The following GALNT7 variants were observed in gnomAD, a reference collection of about 807,000 sequenced individuals.
GALNT7 encodes N-acetylgalactosaminyltransferase 7.
Under a neutral mutation model 82.1 loss-of-function variants are expected in GALNT7, and 60 were observed. The ratio of observed to expected loss-of-function variants is 0.73; its 90% CI spans 0.59 to 0.91. GALNT7 has a LOEUF of 0.91. Ranked by LOEUF, GALNT7 falls within the 40% of genes least tolerant of loss-of-function variation. GALNT7 has a pLI of 0.00. For missense variants in GALNT7, 660 were observed against 804.2 expected, an observed-to-expected ratio of 0.82 and a Z score of 2.17; for synonymous variants, 243 against 275.1, an observed-to-expected ratio of 0.88 and a Z score of 1.15.
chr4:173,255,334 T>G (rs1734998617), intron 2 of GALNT7, among the ~76,000 whole-genome samples: 1 of 152,216 alleles, frequency 6.6e-6, no homozygotes, highest in Non-Finnish European at 1.5e-5. Context: ...ACTCTCTGGT[T>G]ATTGTCCAAG....
chr4:173,317,738 C>T lies in GALNT7; in HGVS notation c.1707+6C>T, dbSNP rs138471191. The T allele has an allele frequency of 8.7e-5, 136 of 1,565,390 alleles. No individual in the cohort carries two copies. The African/African-American group carries it at 1.6e-3, about 18-fold the overall frequency. On this transcript the variant is annotated splice_donor_region_variant and intron_variant, in intron 10 of 11. Transcript: ENST00000265000. ...ACAGGATGGGAGGGAATCAGGTAAA[C>T]CACCTTACTTTTGTGTTTAAGTTGT...
At chr4:173,268,787 T>G (rs542668885) in intron 2 of GALNT7, among the ~76,000 whole-genome samples, 1 of 151,750 alleles carries the variant, frequency 6.6e-6, no homozygotes, top group Admixed American at 6.6e-5. Context: ...GATCCGCCCT[T>G]CTTGGCCTCC....
At position 173,298,183 on chromosome 4, in the gene GALNT7, G is replaced by T. The variant is rs1580001767; in HGVS notation, c.1034G>T (p.Gly345Val). ...ACATATGAAATTATACCCCAAGGGG[G>T]TGGTGATGAAGATGGGTATGCCCGA... Reference protein sequence around the residue: ...GNTYEIIPQGGGDEDGYARGA... With the variant: ...GNTYEIIPQGVGDEDGYARGA... The change falls in exon 6 of 12, where the codon GGT (glycine) becomes GTT (valine). Residue 345 changes from glycine (G) to valine (V), a missense_variant. By Grantham distance (109) the Gly-to-Val change is moderately radical. Coordinates refer to ENST00000265000, the MANE Select transcript of GALNT7 (RefSeq NM_017423.3). 2.5e-6 allele frequency: 4 copies of T among 1,613,980 alleles called. No homozygotes were observed. The highest frequency in any genetic ancestry group is 2.5e-6 in the Non-Finnish European group (3 of 1,179,854).
At chr4:173,260,525 G>A (rs1424219722) in intron 2 of GALNT7, among the ~76,000 whole-genome samples, 1 of 152,172 alleles carries the variant, frequency 6.6e-6, no homozygotes, top group Admixed American at 6.5e-5. Flanking sequence ...CAAGGACTAG[G>A]ATCATTGATC....
intron 1 of GALNT7, among the ~76,000 whole-genome samples, chr4:173,206,812 A>AT (rs1286264112): frequency 5.3e-5 from 8 of 152,156 alleles, no homozygotes; most frequent in Admixed American, 1.3e-4. Flanking sequence ...AGCTGAAAGT[A>AT]TTTTTCCCAC....
In GALNT7 at chr4:173,239,535, C is replaced by T. The variant is rs915959883; in HGVS notation, c.127-8445C>T. 4.6e-5 allele frequency among the ~76,000 whole-genome samples: 7 copies of T among 152,122 alleles called. No individual in the cohort carries two copies. In the East Asian group the frequency reaches 7.7e-4, roughly 17 times the overall value. ...TAGAAATATTCACACGTACGAAAGC[C>T]GAAAGTGCATCTGTGTAAACAAAAC... On this transcript the variant is annotated intron_variant, in intron 1 of 11. Transcript: ENST00000265000.
intron 1 of GALNT7, among the ~76,000 whole-genome samples, chr4:173,178,761 AGAAGG>A (rs1732155526): frequency 6.6e-6 from 1 of 152,242 alleles, no homozygotes; most frequent in South Asian, 2.1e-4. Flanking sequence ...TCCCAAATCT[AGAAGG>A]TACGATTAAC....
chr4:173,234,652 A>G (rs1734154379), intron 1 of GALNT7, among the ~76,000 whole-genome samples: 1 of 152,086 alleles, frequency 6.6e-6, no homozygotes. Context: ...CTCAAACCTC[A>G]TGTTGTAATT....
intron 1 of GALNT7, among the ~76,000 whole-genome samples, chr4:173,195,510 G>A (rs1388525677): frequency 6.6e-6 from 1 of 152,158 alleles, no homozygotes; most frequent in Admixed American, 6.5e-5. Context: ...ATGCTGCAAA[G>A]GAACAAAGGT....
chr4:173,218,760 G>T (rs1277221020), intron 1 of GALNT7, among the ~76,000 whole-genome samples: 1 of 152,158 alleles, frequency 6.6e-6, no homozygotes, highest in Non-Finnish European at 1.5e-5. Context: ...ATAAGCACAT[G>T]TATTCTTTTA....
chr4:173,216,494 T>C (rs960142308), intron 1 of GALNT7, among the ~76,000 whole-genome samples: 7 of 151,830 alleles, frequency 4.6e-5, no homozygotes, highest in Non-Finnish European at 7.4e-5. Flanking sequence ...GTCTCAGTGT[T>C]TTCTTTTATA....
chr4:173,187,635 G>A (rs1026086348), intron 1 of GALNT7, among the ~76,000 whole-genome samples: 1 of 152,270 alleles, frequency 6.6e-6, no homozygotes, highest in South Asian at 2.1e-4. Context: ...TCTCTTCCCT[G>A]TTCTTTACCC....
At chr4:173,265,659 C>A (rs1254900854) in intron 2 of GALNT7, among the ~76,000 whole-genome samples, 1 of 132,268 alleles carries the variant, frequency 7.6e-6, no homozygotes, top group Non-Finnish European at 1.6e-5. Context: ...CTCATTCCCC[C>A]CAATCTCCCT....
At chr4:173,222,862 G>T (rs879632275) in intron 1 of GALNT7, among the ~76,000 whole-genome samples, 2 of 151,926 alleles carry the variant, frequency 1.3e-5, no homozygotes, top group Non-Finnish European at 2.9e-5. Context: ...GACTACTAAG[G>T]TTAGATGTTT....
chr4:173,173,537 G>A (rs1731944700), intron 1 of GALNT7, among the ~76,000 whole-genome samples: 1 of 152,164 alleles, frequency 6.6e-6, no homozygotes, highest in East Asian at 1.9e-4. Flanking sequence ...GACTGGGGGA[G>A]TTGGGTTGGG....
intron 2 of GALNT7, among the ~76,000 whole-genome samples, chr4:173,286,457 A>G (rs1469224111): frequency 1.3e-5 from 2 of 152,230 alleles, no homozygotes; most frequent in African/African-American, 4.8e-5. Context: ...GGCACCAACA[A>G]AGCTGCCATT....
chr4:173,200,821 G>C (rs879255839), intron 1 of GALNT7, among the ~76,000 whole-genome samples: 7 of 152,124 alleles, frequency 4.6e-5, no homozygotes, highest in Non-Finnish European at 1.0e-4. Flanking sequence ...TTTTATTTCA[G>C]TGAGATGAAA....
intron 1 of GALNT7, among the ~76,000 whole-genome samples, chr4:173,210,106 C>T (rs1372260342): frequency 6.6e-6 from 1 of 151,942 alleles, no homozygotes; most frequent in Non-Finnish European, 1.5e-5. Context: ...TGCACTCCAG[C>T]CTGGGCAACA....
intron 1 of GALNT7, among the ~76,000 whole-genome samples, chr4:173,170,186 A>G (rs1241148431): frequency 6.6e-6 from 1 of 152,130 alleles, no homozygotes; most frequent in Non-Finnish European, 1.5e-5. Context: ...TGGGACAGCC[A>G]ACTGGGCCGG....
Sources: allele counts gnomAD v4.1 joint callset (sites outside exome capture counted in the v4.1 genomes callset), GRCh38; gene constraint gnomAD v4.1.1; transcripts MANE v1.5; gene names NCBI Gene and HGNC (gene_info 2026-07-23, HGNC 2026-07-21).